Variants in GRID2 observed in about 807,000 individuals in gnomAD.
The protein encoded by GRID2 is glutamate receptor ionotropic, delta-2.
A neutral mutation model predicts 114.8 loss-of-function variants in GRID2; 33 were observed. The observed-to-expected ratio is 0.29, with a 90% CI of 0.22 to 0.38. GRID2 has a LOEUF of 0.38. Ranked by LOEUF, GRID2 falls within the 10% of genes least tolerant of loss-of-function variation. The pLI is 1.00. For synonymous variants in GRID2, 505 were observed against 449.9 expected (o/e 1.12, Z -1.55); for missense variants, 1,184 against 1,257.7 (o/e 0.94, Z 0.89).
intron 2 of GRID2, among the ~76,000 whole-genome samples, chr4:93,041,349 C>T (rs1016995769): frequency 6.6e-6 from 1 of 152,126 alleles, no homozygotes; most frequent in Non-Finnish European, 1.5e-5. Flanking sequence ...TGAGATCTTG[C>T]AGAATGGCGA....
intron 4 of GRID2, among the ~76,000 whole-genome samples, chr4:93,111,713 T>TTTTTAAATTTTTAA: frequency 1.3e-5 from 2 of 151,634 alleles, no homozygotes; most frequent in Non-Finnish European, 2.9e-5. Flanking sequence ...TTTTTAAAAA[T>TTTTTAAATTTTTAA]ATTTTAAATT....
At chr4:93,372,277 G>T (rs1763003025) in intron 8 of GRID2, among the ~76,000 whole-genome samples, 1 of 152,092 alleles carries the variant, frequency 6.6e-6, no homozygotes, top group African/African-American at 2.4e-5. Context: ...ATTTTGAATT[G>T]GGTCTTCAAG....
intron 3 of GRID2, among the ~76,000 whole-genome samples, chr4:93,088,266 G>A (rs1257207148): frequency 2.0e-5 from 3 of 152,084 alleles, no homozygotes; most frequent in Non-Finnish European, 4.4e-5. Context: ...TATTTGAATG[G>A]ATTGATTCAA....
At chr4:93,038,111 G>A (rs984695288) in intron 2 of GRID2, among the ~76,000 whole-genome samples, 2 of 152,114 alleles carry the variant, frequency 1.3e-5, no homozygotes, top group Non-Finnish European at 2.9e-5. Context: ...TTTTCCATTT[G>A]TTTGTTTCCT....
At chr4:93,116,668 A>C (rs527506248) in intron 4 of GRID2, among the ~76,000 whole-genome samples, 73 of 152,202 alleles carry the variant, frequency 4.8e-4, no homozygotes, top group Non-Finnish European at 7.4e-5. Context: ...CAGATCCACA[A>C]ATTCCTGGTT....
At chr4:92,346,081 A>T (rs1299216920) in intron 1 of GRID2, among the ~76,000 whole-genome samples, 1 of 152,208 alleles carries the variant, frequency 6.6e-6, no homozygotes, top group Non-Finnish European at 1.5e-5. Flanking sequence ...TACTTACTTT[A>T]GTGCTACCTT....
At chr4:93,521,154 G>T (rs1489656328) in intron 13 of GRID2, among the ~76,000 whole-genome samples, 1 of 152,132 alleles carries the variant, frequency 6.6e-6, no homozygotes, top group African/African-American at 2.4e-5. Context: ...TGGAGGGATG[G>T]AGTTGCCATT....
intron 1 of GRID2, among the ~76,000 whole-genome samples, chr4:92,324,562 A>T (rs1327225624): frequency 6.6e-6 from 1 of 150,908 alleles, no homozygotes; most frequent in East Asian, 2.0e-4. Flanking sequence ...TTTATCCTCA[A>T]TAATAAACTT....
chr4:92,533,482 T>TACATACATACATACAC (rs1486871264), intron 1 of GRID2, among the ~76,000 whole-genome samples: 1 of 147,108 alleles, frequency 6.8e-6, no homozygotes, highest in African/African-American at 2.5e-5. Flanking sequence ...CATACATACA[T>TACATACATACATACAC]ACACACACAG....
chr4:92,752,371 C>T (rs562366476), intron 2 of GRID2, among the ~76,000 whole-genome samples: 14 of 152,128 alleles, frequency 9.2e-5, no homozygotes, highest in Non-Finnish European at 1.5e-4. Context: ...TTCATGTATT[C>T]CTCTAAGAAG....
intron 8 of GRID2, among the ~76,000 whole-genome samples, chr4:93,370,159 T>C (rs1169912530): frequency 6.6e-6 from 1 of 152,008 alleles, no homozygotes; most frequent in Non-Finnish European, 1.5e-5. Flanking sequence ...ATGCTATCCT[T>C]CTCCTTCCAT....
At chr4:93,755,552 T>C (rs1449086730) in intron 14 of GRID2, among the ~76,000 whole-genome samples, 1 of 152,204 alleles carries the variant, frequency 6.6e-6, no homozygotes, top group Non-Finnish European at 1.5e-5. Context: ...TACTTAGGAA[T>C]CCAGGTAGTC....
chr4:93,606,604 T>A (rs888028371), intron 13 of GRID2, among the ~76,000 whole-genome samples: 1 of 152,226 alleles, frequency 6.6e-6, no homozygotes, highest in Non-Finnish European at 1.5e-5. Context: ...GAAATATAGA[T>A]GGACAGATGG....
chr4:92,581,546 T>C (rs1236093368), intron 1 of GRID2, among the ~76,000 whole-genome samples: 1 of 152,092 alleles, frequency 6.6e-6, no homozygotes, highest in Non-Finnish European at 1.5e-5. Flanking sequence ...CCAAACGAAA[T>C]GTGATTTCAC....
At chr4:92,582,763 A>G (rs1728242709) in intron 1 of GRID2, among the ~76,000 whole-genome samples, 1 of 151,820 alleles carries the variant, frequency 6.6e-6, no homozygotes, top group African/African-American at 2.4e-5. Context: ...TCAAGTGAGG[A>G]ACACTTGAGC....
chr4:92,323,235 A>G (rs1403950249), intron 1 of GRID2, among the ~76,000 whole-genome samples: 1 of 152,158 alleles, frequency 6.6e-6, no homozygotes, highest in Admixed American at 6.6e-5. Context: ...TAAAGTAACA[A>G]TGACTTCAAA....
At chr4:93,311,408 G>A (rs1378266895) in intron 8 of GRID2, among the ~76,000 whole-genome samples, 1 of 152,078 alleles carries the variant, frequency 6.6e-6, no homozygotes, top group Admixed American at 6.6e-5. Context: ...GATTAACTGT[G>A]CACCAATTTC....
chr4:92,808,533 A>C (rs1740522270), intron 2 of GRID2, among the ~76,000 whole-genome samples: 1 of 152,116 alleles, frequency 6.6e-6, no homozygotes, highest in Non-Finnish European at 1.5e-5. Context: ...ATTTAATTAG[A>C]AAAGGTAACT....
At chr4:92,680,983 A>T (rs1249437672) in intron 2 of GRID2, among the ~76,000 whole-genome samples, 1 of 152,210 alleles carries the variant, frequency 6.6e-6, no homozygotes, top group African/African-American at 2.4e-5. Context: ...AAAGAAGATT[A>T]AAGTAATTTT....
Sources: allele counts gnomAD v4.1 joint callset (sites outside exome capture counted in the v4.1 genomes callset), GRCh38; gene constraint gnomAD v4.1.1; transcripts MANE v1.5; gene names NCBI Gene and HGNC (gene_info 2026-07-23, HGNC 2026-07-21).